The following SCAMP4 variants were observed in gnomAD, a reference collection of about 807,000 sequenced individuals.
The protein encoded by SCAMP4 is secretory carrier membrane protein 4, also known as secretory carrier-associated membrane protein 4.
A neutral mutation model predicts 32.1 loss-of-function variants in SCAMP4; 19 were observed. That is an observed-to-expected ratio of 0.59 (90% CI 0.41 to 0.87). The LOEUF is 0.87. Among genes scored for constraint, SCAMP4 ranks in the 40% least tolerant of loss-of-function variants. SCAMP4 has a pLI of 0.00. For synonymous variants in SCAMP4, 152 were observed against 132.7 expected, an observed-to-expected ratio of 1.15 and a Z score of -1.00; for missense variants, 302 against 309.0, an observed-to-expected ratio of 0.98 and a Z score of 0.17.
intron 4 of SCAMP4, chr19:1,918,556 G>A: frequency 5.8e-6 from 3 of 514,104 alleles, no homozygotes; most frequent in Non-Finnish European, 6.8e-6. Flanking sequence ...GAGGTCAGGA[G>A]TTCAAGACCA....
chr19:1,921,274 C>G, intron 5 of SCAMP4: 1 of 985,428 alleles, frequency 1.0e-6, no homozygotes, highest in Non-Finnish European at 1.2e-6. Flanking sequence ...CCCCGGGCAG[C>G]TTCACCAGCG....
At position 1,918,025 on chromosome 19, in the gene SCAMP4, G is replaced by A. The variant is rs1218539687; in HGVS notation, c.137-102G>A. The A allele has an allele frequency of 3.4e-5, 49 of 1,459,918 alleles. 1 individual carries two copies. Among genetic ancestry groups the A allele is most frequent in the Non-Finnish European group, 1.9e-5 (20 of 1,076,540 alleles). 90.4% of individuals were successfully genotyped at this position (1,459,918 alleles called of 1,614,324 possible). ...AGTTCATCCTCGACATGGGGTCACT[G>A]GGCTGGGGAGGCGGACAGCGGGTGC... On this transcript the variant is annotated intron_variant, in intron 3 of 6. Transcript: ENST00000316097.
chr19:1,921,635 C>T (rs754538723), intron 5 of SCAMP4: 154 of 985,426 alleles, frequency 1.6e-4, no homozygotes, highest in African/African-American at 3.5e-4. Flanking sequence ...ATGCCTTTGC[C>T]GCTTTTCATA....
chr19:1,921,542 C>T (rs2013920434), intron 5 of SCAMP4: 1 of 985,448 alleles, frequency 1.0e-6, no homozygotes, highest in Non-Finnish European at 1.2e-6. Flanking sequence ...GTGCTGGGTG[C>T]CTCCCTAGAC....
chr19:1,922,407 G>T, intron 5 of SCAMP4: 1 of 688,612 alleles, frequency 1.5e-6, no homozygotes, highest in Non-Finnish European at 1.8e-6. Context: ...GCTAATTTTT[G>T]TATTTTTAGT....
chr19:1,912,295 A>AC (rs1364466737), intron 1 of SCAMP4: 1 of 1,564,410 alleles, frequency 6.4e-7, no homozygotes, highest in South Asian at 1.2e-5. Context: ...TCGGCCCTGC[A>AC]CCCGCTCCCC....
At chr19:1,922,691 C>G (rs1047520532) in intron 5 of SCAMP4, 1 of 992,238 alleles carries the variant, frequency 1.0e-6, no homozygotes, top group African/African-American at 1.7e-5. Context: ...CTCAGTGGGG[C>G]CTTTGAGTCT....
chr19:1,906,296 G>A (rs972657608), intron 1 of SCAMP4: 3 of 152,156 alleles, frequency 2.0e-5, no homozygotes, highest in South Asian at 4.1e-4. Flanking sequence ...GGAGGTGGAG[G>A]TTGCAGTGAG....
intron 1 of SCAMP4, chr19:1,906,866 T>TGGTGTGTGTGTGTGTGTGTGTGTGTGTG (rs1555836653): frequency 1.5e-5 from 2 of 130,088 alleles, no homozygotes; most frequent in East Asian, 2.4e-4. Context: ...AAAAAAAAAA[T>TGGTGTGTGTGTGTGTGTGTGTGTGTGTG]TGTGTGTGTG....
intron 1 of SCAMP4, among the ~76,000 whole-genome samples, chr19:1,907,534 T>TG (rs778842415): frequency 2.6e-5 from 4 of 152,256 alleles, no homozygotes; most frequent in Non-Finnish European, 5.9e-5. Flanking sequence ...GGTTGGGGAC[T>TG]GGGTGTGTTT....
chr19:1,913,854 C>T (rs1233555908), intron 1 of SCAMP4, among the ~76,000 whole-genome samples: 1 of 152,228 alleles, frequency 6.6e-6, no homozygotes, highest in Non-Finnish European at 1.5e-5. Flanking sequence ...ATTGCCTGAC[C>T]ATGTGGGTGC....
intron 1 of SCAMP4, chr19:1,912,037 G>A (rs1051474820): frequency 6.4e-6 from 9 of 1,413,884 alleles, no homozygotes; most frequent in Admixed American, 3.0e-5. Context: ...CCAGCCGCCC[G>A]CAGCCGCCGG....
Position 1,908,277 on chromosome 19 carries a change from T to C in SCAMP4, c.-42+2838T>C. 1 of 301,860 alleles carries C rather than the reference T, an allele frequency of 3.3e-6. No individual in the cohort carries two copies. Among genetic ancestry groups the C allele is most frequent in the Non-Finnish European group, 6.6e-6 (1 of 151,858 alleles). 18.7% of individuals were successfully genotyped at this position (301,860 alleles called of 1,614,324 possible). A position where few individuals can be genotyped will look rare whatever the true frequency, so the allele number is the denominator to read the frequency against. On this transcript the variant is annotated intron_variant, in intron 1 of 6. Transcript: ENST00000316097. The surrounding 1 kb of genome is among the most constrained non-coding windows in gnomAD (Gnocchi z 4.2). ...CTCCCGGCTCCCACTGCATCTCCGG[T>C]TCTGTGCTTTGTTGAACGCGTGAGC...
chr19:1,921,213 C>G, intron 5 of SCAMP4: 1 of 984,934 alleles, frequency 1.0e-6, no homozygotes, highest in Non-Finnish European at 1.2e-6. Context: ...CACCTCCCCA[C>G]ACACTCTGTG....
intron 6 of SCAMP4, 43 bp from the exon 7 acceptor site, chr19:1,924,065 G>C (rs751806704): frequency 1.3e-6 from 2 of 1,525,522 alleles, no homozygotes; most frequent in African/African-American, 2.1e-5. Context: ...CGGCCGCCAT[G>C]CTCATTTTCT....
rs528542390 is a variant in SCAMP4, at chr19:1,921,238, A to G, written c.396-1832A>G. 169 of 984,984 alleles carry G rather than the reference A, an allele frequency of 1.7e-4. No individual in the cohort carries two copies. The Middle Eastern group carries it at 2.1e-3, about 12-fold the overall frequency. 61.0% of individuals were successfully genotyped at this position (984,984 alleles called of 1,614,324 possible). A position where few individuals can be genotyped will look rare whatever the true frequency, so the allele number is the denominator to read the frequency against. On this transcript the variant is annotated intron_variant, in intron 5 of 6. Coordinates refer to ENST00000316097, the MANE Select transcript of SCAMP4 (RefSeq NM_079834.4). ...CACACTCTGTGCACTGCTGTGGGGCAAGAGGCGACAGCCCCGCTCTCCCTG... is the reference window on the plus strand; with the variant it reads ...CACACTCTGTGCACTGCTGTGGGGCGAGAGGCGACAGCCCCGCTCTCCCTG...
rs1156443293 is a variant in SCAMP4, at chr19:1,925,443, T to C, written c.*1159T>C. On this transcript the variant is annotated 3_prime_UTR_variant, in exon 7 of 7. Coordinates refer to ENST00000316097, the MANE Select transcript of SCAMP4 (RefSeq NM_079834.4). ...GGGGACCCGTCAAATCTGTGCCTTA[T>C]GGAGGGGTCCGGCAGCGGCCACAAT... The C allele has an allele frequency of 6.5e-6, 1 of 152,714 alleles. No individual in the cohort carries two copies. The highest frequency in any genetic ancestry group is 1.5e-5 in the Non-Finnish European group (1 of 68,090). The allele number at this position is 152,714 out of a possible 1,614,324, so 9.5% of individuals were successfully genotyped here. A position where few individuals can be genotyped will look rare whatever the true frequency, so the allele number is the denominator to read the frequency against.
Position 1,918,780 on chromosome 19 carries a change from A to T in SCAMP4, c.294-109A>T. On this transcript the variant is annotated intron_variant, in intron 4 of 6. Transcript: ENST00000316097. ...CCATCTCAAAAAAAAAAAAAAAGGA[A>T]TAAAATAGAGCCTCCGCTCTCACCA... The T allele has an allele frequency of 1.6e-5, 23 of 1,449,610 alleles. 1 individual carries two copies. In the South Asian group the frequency reaches 3.2e-4, roughly 20 times the overall value. 89.8% of individuals were successfully genotyped at this position (1,449,610 alleles called of 1,614,324 possible).
intron 5 of SCAMP4, chr19:1,919,285 G>C: frequency 7.9e-7 from 1 of 1,261,020 alleles, no homozygotes; most frequent in Non-Finnish European, 1.0e-6. Context: ...CCTGAGTGTT[G>C]ATCACACCCC....
Sources: allele counts gnomAD v4.1 joint callset (sites outside exome capture counted in the v4.1 genomes callset), GRCh38; gene constraint gnomAD v4.1.1; non-coding constraint Gnocchi (gnomAD v3.1); transcripts MANE v1.5; gene names NCBI Gene and HGNC (gene_info 2026-07-23, HGNC 2026-07-21).